Variants in OLFM3 observed in about 807,000 individuals in gnomAD.
OLFM3 encodes olfactomedin 3.
OLFM3 carries 20 observed loss-of-function variants against 48.6 expected under a neutral mutation model. That is an observed-to-expected ratio of 0.41 (90% confidence interval 0.29 to 0.60). OLFM3 has a LOEUF of 0.60. Ranked by LOEUF, OLFM3 falls within the 20% of genes least tolerant of loss-of-function variation. OLFM3 has a pLI of 0.28. For missense variants in OLFM3, 437 were observed against 544.3 expected (o/e 0.80, Z 1.96); for synonymous variants, 222 against 198.1 (o/e 1.12, Z -1.01).
intron 1 of OLFM3, among the ~76,000 whole-genome samples, chr1:101,920,390 G>T (rs1659057107): frequency 6.6e-6 from 1 of 152,144 alleles, no homozygotes; most frequent in Non-Finnish European, 1.5e-5. Context: ...TCTCTCCCAT[G>T]AAGGCAGGGT....
At chr1:101,882,124 C>A (rs1048185185) in intron 1 of OLFM3, among the ~76,000 whole-genome samples, 1 of 150,746 alleles carries the variant, frequency 6.6e-6, no homozygotes, top group African/African-American at 2.4e-5. Flanking sequence ...CACACACACA[C>A]GACATTCATT....
chr1:101,930,892 G>A (rs551806149), intron 1 of OLFM3, among the ~76,000 whole-genome samples: 5 of 152,244 alleles, frequency 3.3e-5, no homozygotes, highest in Middle Eastern at 6.8e-3. Context: ...GCTTTGAAAA[G>A]GATTATCAAA....
At chr1:101,897,936 A>G (rs2101014477) in intron 1 of OLFM3, among the ~76,000 whole-genome samples, 1 of 152,242 alleles carries the variant, frequency 6.6e-6, no homozygotes, top group Non-Finnish European at 1.5e-5. Context: ...AATTTCTTAT[A>G]AGTCATATAA....
intron 1 of OLFM3, among the ~76,000 whole-genome samples, chr1:101,839,908 T>C (rs780439676): frequency 2.0e-5 from 3 of 152,188 alleles, no homozygotes; most frequent in Non-Finnish European, 4.4e-5. Context: ...TGATTTAAAC[T>C]ATAAAAAGCC....
rs71592232 is a variant in OLFM3 at position 101,956,086 on chromosome 1, G to GTTTTTTTTTTTTT, written c.69+40649_69+40661dup. ...ATATCTCAATTCAACACAATAACAG[G>GTTTTTTTTTTTTT]TTTTTTTTTTTTTTTTTAAAAAAAA... is the stretch of plus-strand genomic sequence containing the variant. On this transcript the variant is annotated intron_variant, in intron 1 of 5. Transcript: ENST00000370103. 2.5e-3 allele frequency among the ~76,000 whole-genome samples: 263 copies of GTTTTTTTTTTTTT among 104,968 alleles called. 5 individuals are homozygous for GTTTTTTTTTTTTT. Among genetic ancestry groups the GTTTTTTTTTTTTT allele is most frequent in the African/African-American group, 9.4e-3 (239 of 25,462 alleles). The allele number at this position is 104,968 out of a possible 152,430, so 68.9% of individuals were successfully genotyped here. A position where few individuals can be genotyped will look rare whatever the true frequency, so the allele number is the denominator to read the frequency against.
At chr1:101,882,631 A>C (rs1657581146) in intron 1 of OLFM3, 1 of 151,854 alleles carries the variant, frequency 6.6e-6, no homozygotes, top group Admixed American at 6.6e-5. Context: ...GAGAAGGTAA[A>C]GTGAGAGATG....
chr1:101,814,622 T>G (rs919630774), intron 4 of OLFM3, among the ~76,000 whole-genome samples: 4 of 152,128 alleles, frequency 2.6e-5, no homozygotes, highest in African/African-American at 7.2e-5. Flanking sequence ...ATTTAGAGAA[T>G]AGCTAGGGGA....
At chr1:101,817,457 T>C (rs1389348634) in intron 4 of OLFM3, among the ~76,000 whole-genome samples, 2 of 152,190 alleles carry the variant, frequency 1.3e-5, no homozygotes, top group Admixed American at 1.3e-4. Flanking sequence ...TTTATTTCTA[T>C]CATGACTTTT....
chr1:101,947,256 C>A (rs1367996600), intron 1 of OLFM3, among the ~76,000 whole-genome samples: 2 of 152,122 alleles, frequency 1.3e-5, no homozygotes, highest in African/African-American at 2.4e-5. Flanking sequence ...AAGTTTCACT[C>A]TATGATTTGA....
chr1:101,941,234 G>A (rs1017279965), intron 1 of OLFM3, among the ~76,000 whole-genome samples: 1 of 152,102 alleles, frequency 6.6e-6, no homozygotes, highest in Non-Finnish European at 1.5e-5. Context: ...TGGCACCTAG[G>A]TCCTGTGGAT....
intron 2 of OLFM3, among the ~76,000 whole-genome samples, chr1:101,832,596 C>T (rs1655214698): frequency 6.6e-6 from 1 of 152,184 alleles, no homozygotes; most frequent in African/African-American, 2.4e-5. Flanking sequence ...CCTTTGTGAG[C>T]TCCATGAGGT....
At chr1:101,966,761 CT>C (rs11300594) in intron 1 of OLFM3, among the ~76,000 whole-genome samples, 85,696 of 151,862 alleles carry the variant, frequency 0.56, 24,579 homozygotes, top group East Asian at 0.73. Flanking sequence ...TGGCGTTCTC[CT>C]TTTTCTAGTT....
chr1:101,829,137 G>A (rs1483392773), intron 3 of OLFM3, among the ~76,000 whole-genome samples: 1 of 152,054 alleles, frequency 6.6e-6, no homozygotes, highest in Non-Finnish European at 1.5e-5. Context: ...GGGGCCAACC[G>A]CACCTTGTAT....
intron 1 of OLFM3, among the ~76,000 whole-genome samples, chr1:101,902,611 A>T (rs1407533832): frequency 6.6e-6 from 1 of 152,128 alleles, no homozygotes; most frequent in Non-Finnish European, 1.5e-5. Context: ...TCAGGTGTAC[A>T]AAGAAAAGAA....
chr1:101,941,870 C>T (rs761858131), intron 1 of OLFM3, among the ~76,000 whole-genome samples: 1 of 152,130 alleles, frequency 6.6e-6, no homozygotes, highest in Non-Finnish European at 1.5e-5. Context: ...GATAGAAGAC[C>T]ATGCTCTTAA....
intron 1 of OLFM3, among the ~76,000 whole-genome samples, chr1:101,934,650 A>G (rs540307479): frequency 6.6e-6 from 1 of 152,254 alleles, no homozygotes; most frequent in African/African-American, 2.4e-5. Context: ...CTCTACCTAA[A>G]AACAACAAAA....
chr1:101,829,609 C>A (rs536169871), intron 3 of OLFM3, among the ~76,000 whole-genome samples: 1 of 152,214 alleles, frequency 6.6e-6, no homozygotes, highest in Non-Finnish European at 1.5e-5. Context: ...TAGCTCCCCA[C>A]CAGCCACCAC....
chr1:101,847,912 A>G (rs1446595370), intron 1 of OLFM3, among the ~76,000 whole-genome samples: 3 of 152,174 alleles, frequency 2.0e-5, no homozygotes, highest in African/African-American at 7.2e-5. Context: ...CTAGTTAGCC[A>G]TATGACTGGC....
At chr1:101,825,718 G>A (rs1251346161) in intron 3 of OLFM3, among the ~76,000 whole-genome samples, 3 of 152,124 alleles carry the variant, frequency 2.0e-5, no homozygotes, top group Non-Finnish European at 4.4e-5. Context: ...TCCATGTTAT[G>A]GGGCACATAC....
Sources: gnomAD v4.1 joint callset for allele counts (sites outside exome capture counted in the v4.1 genomes callset) on GRCh38, gnomAD v4.1.1 for gene constraint, MANE v1.5 for transcripts, NCBI Gene and HGNC (gene_info 2026-07-23, HGNC 2026-07-21) for gene names.